ATP2B4: variants seen among roughly 807,000 people sequenced by gnomAD.
ATP2B4 encodes the protein plasma membrane calcium-transporting ATPase 4.
A neutral mutation model predicts 110.3 loss-of-function variants in ATP2B4; 39 were observed. The observed-to-expected ratio is 0.35, with a 90% CI of 0.27 to 0.46. The LOEUF (loss-of-function observed/expected upper bound fraction) is 0.46. Ranked by LOEUF, ATP2B4 falls within the 20% of genes least tolerant of loss-of-function variation. ATP2B4 has a pLI of 1.00. For missense variants in ATP2B4, 1,135 were observed against 1,530.9 expected (o/e 0.74, Z 4.32); for synonymous variants, 538 against 571.7 (o/e 0.94, Z 0.84).
At chr1:203,645,967 T>C (rs978723244) in intron 1 of ATP2B4, among the ~76,000 whole-genome samples, 3 of 152,214 alleles carry the variant, frequency 2.0e-5, no homozygotes, top group Non-Finnish European at 4.4e-5. Context: ...CAGCCACTTT[T>C]AGAGACACCA....
intron 15 of ATP2B4, among the ~76,000 whole-genome samples, chr1:203,719,225 G>GAAAAAAAAAAAAAAAAAAAAAA (rs60841821): frequency 3.7e-5 from 2 of 54,374 alleles, no homozygotes; most frequent in African/African-American, 1.5e-4. Context: ...ACCCTGTCTC[G>GAAAAAAAAAAAAAAAAAAAAAA]AAAAAAAAAA....
At chr1:203,628,686 C>A (rs1663165228) in intron 1 of ATP2B4, among the ~76,000 whole-genome samples, 1 of 152,156 alleles carries the variant, frequency 6.6e-6, no homozygotes, top group Non-Finnish European at 1.5e-5. Context: ...CCATTGGAGG[C>A]CCTACTACGC....
intron 1 of ATP2B4, among the ~76,000 whole-genome samples, chr1:203,676,828 G>A (rs1360260161): frequency 6.6e-6 from 1 of 152,046 alleles, no homozygotes; most frequent in Non-Finnish European, 1.5e-5. Flanking sequence ...GGTGAGGGGA[G>A]GGGAGGACAA....
intron 2 of ATP2B4, among the ~76,000 whole-genome samples, chr1:203,696,957 A>G (rs893117753): frequency 6.6e-6 from 1 of 152,136 alleles, no homozygotes; most frequent in African/African-American, 2.4e-5. Context: ...AAGCAAACGT[A>G]TGTTGGTAGG....
intron 1 of ATP2B4, among the ~76,000 whole-genome samples, chr1:203,648,930 A>G (rs1329900533): frequency 6.6e-6 from 1 of 152,174 alleles, no homozygotes; most frequent in Non-Finnish European, 1.5e-5. Flanking sequence ...ATTGTTGAAC[A>G]TGCCACTTAA....
Position 203,695,070 on chromosome 1 carries a change from C to T in ATP2B4, c.194-3087C>T, listed in dbSNP as rs149308730. 7.9e-5 allele frequency among the ~76,000 whole-genome samples: 12 copies of T among 152,270 alleles called. No homozygotes were observed. In the East Asian group the frequency reaches 9.7e-4, roughly 12 times the overall value. ...AGGGTTTCATTAGGCTATTGGGGTG[C>T]ACCTTATGATCTTTAATATCTGATG... On this transcript the variant is annotated intron_variant, in intron 2 of 20. Coordinates refer to ENST00000357681, the MANE Select transcript of ATP2B4 (RefSeq NM_001684.5).
In ATP2B4 at chr1:203,743,709, G is replaced by A. The variant is rs1356361042; in HGVS notation, c.*3855G>A. On this transcript the variant is annotated 3_prime_UTR_variant, in exon 21 of 21. Transcript: ENST00000357681. ...AGCACTGGTATTTTTGTACAAAAAA[G>A]AAAAACAAAAGATTGACTATTGTGG... The A allele has an allele frequency of 2.6e-5, 4 of 152,592 alleles. No homozygotes were observed. Among genetic ancestry groups the A allele is most frequent in the Admixed American group, 2.6e-4 (4 of 15,268 alleles). The allele number at this position is 152,592 out of a possible 1,614,324, so 9.5% of individuals were successfully genotyped here. A position where few individuals can be genotyped will look rare whatever the true frequency, so the allele number is the denominator to read the frequency against.
chr1:203,711,185 G>T, intron 12 of ATP2B4, 77 bp downstream of exon 12: 1 of 1,366,460 alleles, frequency 7.3e-7, no homozygotes, highest in South Asian at 1.2e-5. Context: ...CCCCAGGCAG[G>T]TAACCTAACT....
At chr1:203,654,497 T>G (rs1258606836) in intron 1 of ATP2B4, among the ~76,000 whole-genome samples, 1 of 152,208 alleles carries the variant, frequency 6.6e-6, no homozygotes, top group Non-Finnish European at 1.5e-5. Context: ...AAATGTATTT[T>G]GTAAAGCTAT....
Position 203,709,506 on chromosome 1 carries a change from T to A in ATP2B4, c.1763T>A (p.Met588Lys). 6.2e-7 allele frequency: 1 copy of A among 1,614,168 alleles called. No individual in the cohort carries two copies. The highest frequency in any genetic ancestry group is 8.5e-7 in the Non-Finnish European group (1 of 1,180,036). ...VIRNPNGGFR[M>K]YSKGASEIIL... ...AGGAATCCCAACGGTGGCTTCCGTATGTACAGCAAGGGCGCCTCTGAGATC... is the reference window on the plus strand; with the variant it reads ...AGGAATCCCAACGGTGGCTTCCGTAAGTACAGCAAGGGCGCCTCTGAGATC... Residue 588 changes from methionine (M) to lysine (K), a missense_variant, in exon 11 of 21, where the codon ATG (methionine) becomes AAG (lysine). Met to Lys is a moderately conservative substitution (Grantham distance 95). This residue lies in a region of ATP2B4 where 368 missense variants were observed against 455.9 expected (regional missense o/e 0.81). Coordinates refer to ENST00000357681, the MANE Select transcript of ATP2B4 (RefSeq NM_001684.5).
In ATP2B4 at chr1:203,669,010, G is replaced by C. The variant is rs147811803; in HGVS notation, c.-464-13732G>C. Among the ~76,000 whole-genome samples the C allele has an allele frequency of 6.6e-5, 10 of 152,306 alleles. No individual in the cohort carries two copies. The East Asian group carries it at 1.9e-3, about 29-fold the overall frequency. On this transcript the variant is annotated intron_variant, in intron 1 of 20. Coordinates refer to ENST00000357681, the MANE Select transcript of ATP2B4 (RefSeq NM_001684.5). ...GTTTGGTGCTAGGTATTCTTCTTAT[G>C]ATCTTGGTAGCTTAGGGCTTTAGAA...
intron 15 of ATP2B4, among the ~76,000 whole-genome samples, 186 bp from the exon 16 acceptor site, chr1:203,720,363 T>C (rs1191758996): frequency 1.3e-5 from 2 of 152,138 alleles, no homozygotes; most frequent in Non-Finnish European, 2.9e-5. Flanking sequence ...AACAGTAAGG[T>C]TGGTGGCATC....
chr1:203,698,252 G>C lies in ATP2B4; in HGVS notation c.289G>C (p.Val97Leu). The change falls in exon 3 of 21, where the codon GTG (valine) becomes CTG (leucine). Residue 97 changes from valine (V) to leucine (L), a missense_variant. By Grantham distance (32) the Val-to-Leu change is conservative (BLOSUM62 1). Around this residue, in one of 9 missense-constraint regions of ATP2B4, gnomAD observed 122 missense variants for 125.2 expected, o/e 0.97. Transcript: ENST00000357681. Reference sequence around the variant, plus strand: ...AAAGCCCAAGACTTTCTTAGAATTAGTGTGGGAAGCTCTTCAAGATGTCAC... The same window carrying C: ...AAAGCCCAAGACTTTCTTAGAATTACTGTGGGAAGCTCTTCAAGATGTCAC... ...PKKPKTFLEL[V>L]WEALQDVTLI... 6.2e-7 allele frequency: 1 copy of C among 1,614,172 alleles called. No individual in the cohort carries two copies. The highest frequency in any genetic ancestry group is 8.5e-7 in the Non-Finnish European group (1 of 1,180,022).
intron 1 of ATP2B4, among the ~76,000 whole-genome samples, chr1:203,638,309 G>A (rs1379044144): frequency 6.6e-6 from 1 of 152,196 alleles, no homozygotes; most frequent in East Asian, 1.9e-4. Flanking sequence ...CCTCAGCAGC[G>A]GCCTGCCACC....
rs1292453740 is a variant in ATP2B4, at chr1:203,740,546, A to G, written c.*692A>G. 1 of 150,820 alleles carries G rather than the reference A, an allele frequency of 6.6e-6. No homozygotes were observed. Among genetic ancestry groups the G allele is most frequent in the Non-Finnish European group, 1.5e-5 (1 of 67,896 alleles). 9.3% of individuals were successfully genotyped at this position (150,820 alleles called of 1,614,324 possible). A position where few individuals can be genotyped will look rare whatever the true frequency, so the allele number is the denominator to read the frequency against. ...TTTGGCCCAAAAGAACCCTTGATTTAGTTCCAGAATCCAACCAGTTTCTTT... is the reference window on the plus strand; with the variant it reads ...TTTGGCCCAAAAGAACCCTTGATTTGGTTCCAGAATCCAACCAGTTTCTTT... On this transcript the variant is annotated 3_prime_UTR_variant, in exon 21 of 21. Transcript: ENST00000357681.
intron 1 of ATP2B4, among the ~76,000 whole-genome samples, chr1:203,652,597 A>G (rs1664032584): frequency 6.6e-6 from 1 of 152,078 alleles, no homozygotes; most frequent in East Asian, 1.9e-4. Flanking sequence ...TGTTGACGCC[A>G]TTTTTCTATC....
At chr1:203,738,391 A>G (rs1666921519) in intron 20 of ATP2B4, among the ~76,000 whole-genome samples, 1 of 152,204 alleles carries the variant, frequency 6.6e-6, no homozygotes, top group Non-Finnish European at 1.5e-5. Flanking sequence ...GACAAGCAAA[A>G]GCTGTTCACA....
At chr1:203,685,448 C>T (rs905052545) in intron 2 of ATP2B4, among the ~76,000 whole-genome samples, 6 of 152,216 alleles carry the variant, frequency 3.9e-5, no homozygotes, top group Non-Finnish European at 8.8e-5. Flanking sequence ...CTGAATCTTC[C>T]TCAGAGGCCA....
rs147149562 is a variant in ATP2B4, at chr1:203,649,141, G to A, written c.-465+21922G>A. ...TCCCTCCTTACTCCCCTGAGGTTGG[G>A]GAGACCATTCATTTCTCCAGCTCCT... On this transcript the variant is annotated intron_variant, in intron 1 of 20. Transcript: ENST00000357681. Among the ~76,000 whole-genome samples, 5 of 152,208 alleles carry A rather than the reference G, an allele frequency of 3.3e-5. No homozygotes were observed. In the East Asian group the frequency reaches 9.7e-4, roughly 29 times the overall value.
Sources: gnomAD v4.1 joint callset for allele counts (sites outside exome capture counted in the v4.1 genomes callset) on GRCh38, gnomAD v4.1.1 for gene constraint, gnomAD v4.1.1 regional missense constraint, MANE v1.5 for transcripts, NCBI Gene and HGNC (gene_info 2026-07-23, HGNC 2026-07-21) for gene names.